Variants in SPIDR observed in about 807,000 individuals in gnomAD.
SPIDR encodes the protein DNA repair-scaffolding protein.
Under a neutral mutation model 104.6 loss-of-function variants are expected in SPIDR, and 93 were observed. That is an observed-to-expected ratio of 0.89 (90% CI 0.75 to 1.06). SPIDR has a LOEUF of 1.06. Ranked by LOEUF, SPIDR falls within the 50% of genes least tolerant of loss-of-function variation. The pLI is 0.00. For synonymous variants in SPIDR, 431 were observed against 416.9 expected (o/e 1.03, Z -0.41); for missense variants, 1,154 against 1,111.2 (o/e 1.04, Z -0.55).
At chr8:47,731,338 C>A (rs147373664) in intron 19 of SPIDR, among the ~76,000 whole-genome samples, 3 of 152,172 alleles carry the variant, frequency 2.0e-5, no homozygotes, top group Non-Finnish European at 2.9e-5. Flanking sequence ...AGCTCCAGCT[C>A]GGAATTGTCC....
intron 8 of SPIDR, among the ~76,000 whole-genome samples, chr8:47,550,379 T>C (rs2090248462): frequency 6.6e-6 from 1 of 152,194 alleles, no homozygotes; most frequent in Non-Finnish European, 1.5e-5. Flanking sequence ...TTCACGATAT[T>C]GATTCTTCCT....
chr8:47,291,809 T>G (rs1486734485), intron 4 of SPIDR, among the ~76,000 whole-genome samples: 1 of 152,168 alleles, frequency 6.6e-6, no homozygotes, highest in Non-Finnish European at 1.5e-5. Flanking sequence ...TGACAACCAG[T>G]GTGTGGTAGA....
chr8:47,352,167 C>T (rs1404770415), intron 5 of SPIDR, among the ~76,000 whole-genome samples: 3 of 151,756 alleles, frequency 2.0e-5, no homozygotes, highest in Non-Finnish European at 4.4e-5. Context: ...ATCCCAGCTA[C>T]TCGGGAGGCT....
rs1408339567 is a variant in SPIDR at position 47,279,848 on chromosome 8, A to T, written c.34-14A>T. 6.3e-7 allele frequency: 1 copy of T among 1,575,590 alleles called. No individual in the cohort carries two copies. The highest frequency in any genetic ancestry group is 8.6e-7 in the Non-Finnish European group (1 of 1,161,292). ...TTTTTGTTTCGATTTTTCTTTTAAA[A>T]ATCATCTCCACAGAGAAAAAGGAGT... On this transcript the variant is annotated splice_polypyrimidine_tract_variant and intron_variant, in intron 1 of 19. Coordinates refer to ENST00000297423, the MANE Select transcript of SPIDR (RefSeq NM_001080394.4).
chr8:47,336,534 A>G (rs746222814), intron 5 of SPIDR, among the ~76,000 whole-genome samples: 1 of 152,208 alleles, frequency 6.6e-6, no homozygotes, highest in Non-Finnish European at 1.5e-5. Flanking sequence ...AGGGAGGGGC[A>G]AGGAAGCAAT....
chr8:47,486,229 G>A (rs538191071), intron 8 of SPIDR, among the ~76,000 whole-genome samples: 1 of 152,272 alleles, frequency 6.6e-6, no homozygotes, highest in East Asian at 1.9e-4. Flanking sequence ...AAGCCTATTT[G>A]ATCAACTGAA....
intron 10 of SPIDR, among the ~76,000 whole-genome samples, chr8:47,608,572 T>G (rs1178108180): frequency 6.6e-6 from 1 of 152,216 alleles, no homozygotes; most frequent in African/African-American, 2.4e-5. Flanking sequence ...CAATGTAAAA[T>G]ATACCAGGGT....
At position 47,279,981 on chromosome 8, in the gene SPIDR, G is replaced by A. The variant is rs1345387341; in HGVS notation, c.153G>A (p.Arg51=). 3 of 1,614,172 alleles carry A rather than the reference G, an allele frequency of 1.9e-6. No homozygotes were observed. Among genetic ancestry groups the A allele is most frequent in the East Asian group, 2.2e-5 (1 of 44,886 alleles). The change falls in exon 2 of 20, where the codon AGG becomes AGA. Residue 51 remains arginine, a synonymous_variant. Coordinates refer to ENST00000297423, the MANE Select transcript of SPIDR (RefSeq NM_001080394.4). ...AAASLSEAWL[R]CGEGFQNTSG... Reference sequence around the variant, plus strand: ...CCTCTCTCTCTGAAGCATGGCTCAGGTGTGGAGAAGGGTTTCAGAACACTT... The same window carrying A: ...CCTCTCTCTCTGAAGCATGGCTCAGATGTGGAGAAGGGTTTCAGAACACTT...
intron 11 of SPIDR, among the ~76,000 whole-genome samples, chr8:47,689,486 A>G (rs2078312043): frequency 6.6e-6 from 1 of 152,234 alleles, no homozygotes; most frequent in Admixed American, 6.5e-5. Context: ...CACTTCACAG[A>G]TGAGGAGCTT....
chr8:47,441,126 T>G (rs1003371829), intron 8 of SPIDR, among the ~76,000 whole-genome samples: 1 of 152,342 alleles, frequency 6.6e-6, no homozygotes, highest in East Asian at 1.9e-4. Context: ...ATTAATTTTT[T>G]CGTAATTTTT....
At chr8:47,662,210 A>G (rs970325548) in intron 10 of SPIDR, among the ~76,000 whole-genome samples, 6 of 152,180 alleles carry the variant, frequency 3.9e-5, no homozygotes, top group Non-Finnish European at 7.4e-5. Context: ...AAAGAGGCAA[A>G]GAGGGTGGCA....
chr8:47,616,868 G>C (rs1480783746), intron 10 of SPIDR, among the ~76,000 whole-genome samples: 1 of 152,068 alleles, frequency 6.6e-6, no homozygotes, highest in Non-Finnish European at 1.5e-5. Flanking sequence ...GATTTTCCCT[G>C]ATGTCCATTT....
chr8:47,511,797 A>G (rs2082369205), intron 8 of SPIDR: 2 of 1,141,142 alleles, frequency 1.8e-6, no homozygotes, highest in Non-Finnish European at 2.7e-6. Flanking sequence ...CCACCAGCTC[A>G]TTGGAACTTT....
chr8:47,434,043 G>A (rs962682419), intron 7 of SPIDR, among the ~76,000 whole-genome samples: 1 of 152,214 alleles, frequency 6.6e-6, no homozygotes, highest in African/African-American at 2.4e-5. Context: ...AACCATTGTA[G>A]TAATGGATAC....
At chr8:47,339,932 G>T (rs1230835676) in intron 5 of SPIDR, among the ~76,000 whole-genome samples, 1 of 151,830 alleles carries the variant, frequency 6.6e-6, no homozygotes, top group Non-Finnish European at 1.5e-5. Flanking sequence ...ACCTGCCTCG[G>T]CCTCCCAAAC....
At chr8:47,714,541 C>T (rs2082306530) in intron 16 of SPIDR, among the ~76,000 whole-genome samples, 1 of 152,204 alleles carries the variant, frequency 6.6e-6, no homozygotes, top group African/African-American at 2.4e-5. Context: ...AAAAGTCATA[C>T]ATGTCTAGTG....
intron 8 of SPIDR, among the ~76,000 whole-genome samples, chr8:47,567,785 T>C (rs1236856988): frequency 8.9e-5 from 12 of 134,936 alleles, no homozygotes; most frequent in East Asian, 2.1e-4. Flanking sequence ...TTTTTCTTTT[T>C]TTTTTTTTTT....
intron 8 of SPIDR, among the ~76,000 whole-genome samples, chr8:47,553,119 G>A (rs1347343117): frequency 2.0e-5 from 3 of 152,174 alleles, no homozygotes. Flanking sequence ...TGGAGTGTCT[G>A]CCAAGAGATC....
chr8:47,511,254 G>A (rs2082273376), intron 8 of SPIDR: 2 of 1,580,476 alleles, frequency 1.3e-6, no homozygotes, highest in East Asian at 2.2e-5. Flanking sequence ...GAATTTGGAT[G>A]TTTGTGGTAG....
Sources: allele counts gnomAD v4.1 joint callset (sites outside exome capture counted in the v4.1 genomes callset), GRCh38; gene constraint gnomAD v4.1.1; transcripts MANE v1.5; gene names NCBI Gene and HGNC (gene_info 2026-07-23, HGNC 2026-07-21).